Variants in WDR13 observed in about 807,000 individuals in gnomAD.
WDR13 encodes the protein WD repeat domain 13.
Under a neutral mutation model 28.6 loss-of-function variants are expected in WDR13, and 1 was observed. That is an observed-to-expected ratio of 0.03 (90% CI 0.01 to 0.17). WDR13 has a LOEUF of 0.17. Among genes scored for constraint, WDR13 ranks in the 10% least tolerant of loss-of-function variants. The pLI is 1.00. For synonymous variants in WDR13, 201 were observed against 185.9 expected (o/e 1.08, Z -0.66); for missense variants, 264 against 469.3 (o/e 0.56, Z 4.04).
chrX:48,602,532 CTTTTT>C (rs55822629), intron 8 of WDR13, among the ~76,000 whole-genome samples: 3 of 83,871 alleles, frequency 3.6e-5, no homozygotes, highest in Admixed American at 2.9e-4. Context: ...TCCTTCCTTC[CTTTTT>C]TTTTTTTTTT....
chrX:48,600,414 C>T lies in WDR13; in HGVS notation c.619C>T (p.Pro207Ser). ...CCTGTGCCAGCTGGTGCCTGCCCCACCCACAGTGCTTCGCGTGCTACGGGG... is the reference window on the plus strand; with the variant it reads ...CCTGTGCCAGCTGGTGCCTGCCCCATCCACAGTGCTTCGCGTGCTACGGGG... ...ISLCQLVPAP[P>S]TVLRVLRGHT... Residue 207 changes from proline to serine, a missense_variant, in exon 6 of 10, where the codon CCC becomes TCC. Physicochemically the swap from Pro to Ser is moderately conservative, Grantham distance 74 (BLOSUM62 -1). Around this residue, in one of 4 missense-constraint regions of WDR13, gnomAD observed 157 missense variants for 270.2 expected, o/e 0.58. Coordinates refer to ENST00000376729, the MANE Select transcript of WDR13 (RefSeq NM_001347217.2). The T allele has an allele frequency of 8.2e-7, 1 of 1,212,137 alleles. No homozygotes were observed. The highest frequency in any genetic ancestry group is 1.1e-6 in the Non-Finnish European group (1 of 895,707).
At position 48,602,177 on chromosome X, in the gene WDR13, T is replaced by C; in HGVS notation, c.1125T>C (p.Asn375=). 1 of 1,210,867 alleles carries C rather than the reference T, an allele frequency of 8.3e-7. No homozygotes were observed. Among genetic ancestry groups the C allele is most frequent in the Non-Finnish European group, 1.1e-6 (1 of 894,483 alleles). Residue 375 remains asparagine, a synonymous_variant, in exon 8 of 10, where the codon AAT becomes AAC. Coordinates refer to ENST00000376729, the MANE Select transcript of WDR13 (RefSeq NM_001347217.2). Reference sequence around the variant, plus strand: ...CCCGGGATCCCTCACTGCTCATCAATGCTTGCCTCAACAAGTTGCTGCTCT... The same window carrying C: ...CCCGGGATCCCTCACTGCTCATCAACGCTTGCCTCAACAAGTTGCTGCTCT... ...REARDPSLLI[N]ACLNKLLLYR...
Position 48,605,072 on chromosome X carries a change from CT to C in WDR13, c.*42del. 1 of 1,172,979 alleles carries C rather than the reference CT, an allele frequency of 8.5e-7. No individual in the cohort carries two copies. The highest frequency in any genetic ancestry group is 1.1e-6 in the Non-Finnish European group (1 of 869,958). On this transcript the variant is annotated 3_prime_UTR_variant, in exon 10 of 10. Coordinates refer to ENST00000376729, the MANE Select transcript of WDR13 (RefSeq NM_001347217.2). The stretch of plus-strand genomic sequence containing the variant: ...TGCTGCTGTCCTCCATCCCACCCCT[CT>C]TACTCCAGCCTCGTGTTGTAAATAA...
At chrX:48,603,153 C>T (rs1294758217) in intron 8 of WDR13, among the ~76,000 whole-genome samples, 2 of 111,982 alleles carry the variant, frequency 1.8e-5, no homozygotes, top group African/African-American at 6.5e-5. Context: ...GCTGAGATTA[C>T]AGGCACACGC....
rs1228668198 is a variant in WDR13 at position 48,605,559 on chromosome X, C to T, written c.*527C>T. The T allele has an allele frequency of 1.8e-5, 2 of 113,197 alleles. No homozygotes were observed. The highest frequency in any genetic ancestry group is 3.7e-5 in the Non-Finnish European group (2 of 54,280). 9.3% of individuals were successfully genotyped at this position (113,197 alleles called of 1,213,427 possible). On this transcript the variant is annotated 3_prime_UTR_variant, in exon 10 of 10. Transcript: ENST00000376729. ...GGTGACAGCATCAGGGAAGATGATC[C>T]TGACAGGGTGACTTTTTTGTTTTTG...
chrX:48,598,218 A>C (rs2062156470), intron 2 of WDR13, 181 bp downstream of exon 2: 5 of 1,111,958 alleles, frequency 4.5e-6, no homozygotes, highest in Non-Finnish European at 5.9e-6. Flanking sequence ...AGAGGATTCT[A>C]AACAGCAAGC....
chrX:48,598,643 CG>C, intron 2 of WDR13, 73 bp from the exon 3 acceptor site: 2 of 1,086,126 alleles, frequency 1.8e-6, no homozygotes, highest in South Asian at 4.4e-5. Flanking sequence ...ACTCTCCTGC[CG>C]TACCCCCCCC....
At chrX:48,599,844 C>T (rs1413361107) in intron 5 of WDR13, 127 bp downstream of exon 5, 1 of 983,646 alleles carries the variant, frequency 1.0e-6, no homozygotes. Context: ...TCCATAAAGC[C>T]TTTTGTAGAC....
In WDR13 at chrX:48,601,867, C is replaced by T; in HGVS notation, c.915C>T (p.Gly305=). 8.3e-7 allele frequency: 1 copy of T among 1,206,957 alleles called. No homozygotes were observed. The highest frequency in any genetic ancestry group is 1.1e-6 in the Non-Finnish European group (1 of 892,420). ...KVKGGSSKLT[G]RVLALSFDAP... The stretch of plus-strand genomic sequence containing the variant: ...AGGGGGGCTCCAGCAAGCTGACAGG[C>T]CGTGTCCTTGCTCTGTCCTTTGATG... The change falls in exon 7 of 10, where the codon GGC becomes GGT. Residue 305 remains glycine, a synonymous_variant. Coordinates refer to ENST00000376729, the MANE Select transcript of WDR13 (RefSeq NM_001347217.2).
At position 48,608,117 on chromosome X, in the gene WDR13, T is replaced by G. The variant is rs782243450; in HGVS notation, c.*3085T>G. ...AGGTAGAGTAAGCCATTCTTTTTTT[T>G]CTTTCTTTCTTTTTTTTTTTTTTTG... is the stretch of plus-strand genomic sequence containing the variant. On this transcript the variant is annotated 3_prime_UTR_variant, in exon 10 of 10. Coordinates refer to ENST00000376729, the MANE Select transcript of WDR13 (RefSeq NM_001347217.2). The G allele has an allele frequency of 9.9e-6, 1 of 100,583 alleles. No individual in the cohort carries two copies. The highest frequency in any genetic ancestry group is 4.1e-4 in the South Asian group (1 of 2,452). The allele number at this position is 100,583 out of a possible 1,213,427, so 8.3% of individuals were successfully genotyped here. A position where few individuals can be genotyped will look rare whatever the true frequency, so the allele number is the denominator to read the frequency against.
intron 2 of WDR13, 157 bp from the exon 3 acceptor site, chrX:48,598,560 A>G (rs1351474491): frequency 5.6e-6 from 6 of 1,074,720 alleles, no homozygotes; most frequent in Non-Finnish European, 7.2e-6. Flanking sequence ...CTCCCACCAC[A>G]GGACCAAGAG....
chrX:48,601,735 G>A (rs373630585), intron 6 of WDR13, 49 bp from the exon 7 acceptor site: 73 of 1,119,486 alleles, frequency 6.5e-5, no homozygotes, highest in Non-Finnish European at 8.4e-5. Context: ...TCAGACTCAA[G>A]GAGGGCCTGG....
rs1218084700 is a variant in WDR13, at chrX:48,606,461, C to T, written c.*1429C>T. 1 of 111,004 alleles carries T rather than the reference C, an allele frequency of 9.0e-6. No individual in the cohort carries two copies. The highest frequency in any genetic ancestry group is 1.9e-5 in the Non-Finnish European group (1 of 52,968). 9.1% of individuals were successfully genotyped at this position (111,004 alleles called of 1,213,427 possible). On this transcript the variant is annotated 3_prime_UTR_variant, in exon 10 of 10. Transcript: ENST00000376729. The stretch of plus-strand genomic sequence containing the variant: ...CGGGAAGTTAAGGCTGACCTGGGGC[C>T]TCCTGCTGTGTGGCGGAATCTCCAT...
rs782050552 is a variant in WDR13 at position 48,600,429 on chromosome X, G to A, written c.634G>A (p.Val212Met). 9.1e-6 allele frequency: 11 copies of A among 1,211,277 alleles called. No homozygotes were observed. The highest frequency in any genetic ancestry group is 4.3e-5 in the Admixed American group (2 of 45,991). Reference sequence around the variant, plus strand: ...GCCTGCCCCACCCACAGTGCTTCGCGTGCTACGGGGCCACACCCGTGGTGT... The same window carrying A: ...GCCTGCCCCACCCACAGTGCTTCGCATGCTACGGGGCCACACCCGTGGTGT... ...LVPAPPTVLR[V>M]LRGHTRGVSD... is the part of the protein sequence containing the mutation. The change falls in exon 6 of 10, where the codon GTG becomes ATG. Residue 212 changes from valine to methionine, a missense_variant. Transcript: ENST00000376729.
At position 48,606,911 on chromosome X, in the gene WDR13, A is replaced by G. The variant is rs956334360; in HGVS notation, c.*1879A>G. The G allele has an allele frequency of 8.9e-6, 1 of 111,809 alleles. No individual in the cohort carries two copies. The highest frequency in any genetic ancestry group is 3.3e-5 in the African/African-American group (1 of 30,726). The allele number at this position is 111,809 out of a possible 1,213,427, so 9.2% of individuals were successfully genotyped here. ...CGTTTGTTCAGTCCAGTTATTTGAC[A>G]GTGTGGTTACTTGCACCCCAAGCAT... On this transcript the variant is annotated 3_prime_UTR_variant, in exon 10 of 10. Coordinates refer to ENST00000376729, the MANE Select transcript of WDR13 (RefSeq NM_001347217.2).
At chrX:48,600,906 T>C (rs1037165991) in intron 6 of WDR13, among the ~76,000 whole-genome samples, 4 of 102,389 alleles carry the variant, frequency 3.9e-5, no homozygotes, top group Non-Finnish European at 4.0e-5. Context: ...CCATCCTGGC[T>C]AACACGGTGA....
rs782107028 is a variant in WDR13, at chrX:48,598,049, G to A, written c.41+12G>A. The A allele has an allele frequency of 2.6e-6, 3 of 1,162,318 alleles. No individual in the cohort carries two copies. Among genetic ancestry groups the A allele is most frequent in the African/African-American group, 3.6e-5 (2 of 55,887 alleles). ...GCAGTGGACGCGAGGTGAGGCGTGG[G>A]GTCAAAGCCCATGGGAGCAGAACTT... On this transcript the variant is annotated intron_variant, in intron 2 of 9. Transcript: ENST00000376729.
At chrX:48,598,424 G>A (rs1556993347) in intron 2 of WDR13, 1 of 1,011,848 alleles carries the variant, frequency 9.9e-7, no homozygotes, top group East Asian at 4.2e-5. Context: ...TGTCGCCCTG[G>A]TATACTGACC....
intron 8 of WDR13, among the ~76,000 whole-genome samples, chrX:48,602,422 C>T (rs933558514): frequency 1.8e-5 from 2 of 111,544 alleles, no homozygotes; most frequent in African/African-American, 6.5e-5. Context: ...TTGCACCGAC[C>T]TGTGAGGTAG....
Sources: allele counts gnomAD v4.1 joint callset (sites outside exome capture counted in the v4.1 genomes callset), GRCh38; gene constraint gnomAD v4.1.1; regional missense constraint gnomAD v4.1.1; transcripts MANE v1.5; gene names NCBI Gene and HGNC (gene_info 2026-07-23, HGNC 2026-07-21).